CCNH: variants seen among roughly 807,000 people sequenced by gnomAD.
CCNH encodes the protein cyclin H, also known as cyclin-H.
In CCNH, 31 loss-of-function variants were observed where a neutral mutation model predicts 41.9. The observed-to-expected ratio is 0.74, with a 90% CI of 0.56 to 1.00. The LOEUF is 1.00. Among genes scored for constraint, CCNH ranks in the 50% least tolerant of loss-of-function variants. CCNH has a pLI of 0.00. For missense variants in CCNH, 362 were observed against 388.4 expected, an observed-to-expected ratio of 0.93 and a Z score of 0.57; for synonymous variants, 138 against 136.1, an observed-to-expected ratio of 1.01 and a Z score of -0.10.
intron 9 of CCNH, among the ~76,000 whole-genome samples, chr5:87,334,100 AT>A (rs894570919): frequency 6.6e-6 from 1 of 152,046 alleles, no homozygotes; most frequent in Non-Finnish European, 1.5e-5. Context: ...TCTAGAGGAG[AT>A]TTTTTTACGG....
At chr5:87,385,218 A>T in intron 9 of CCNH, 1 of 899,294 alleles carries the variant, frequency 1.1e-6, no homozygotes, top group South Asian at 1.3e-5. Flanking sequence ...CAGTAAAGAA[A>T]TATTAAAGTG....
At chr5:87,371,984 A>C, downstream of CCNH, 1 of 640,768 alleles carries the variant, frequency 1.6e-6, no homozygotes, top group Non-Finnish European at 2.8e-6. Flanking sequence ...TATGAAGTAC[A>C]GTATAGTCTG....
intron 9 of CCNH, among the ~76,000 whole-genome samples, chr5:87,365,864 T>C (rs960551388): frequency 2.0e-5 from 3 of 152,134 alleles, no homozygotes; most frequent in Non-Finnish European, 4.4e-5. Context: ...TTAAAGATTT[T>C]ATGTCAAGAT....
At chr5:87,387,259 G>A (rs1288664223), downstream of CCNH, among the ~76,000 whole-genome samples, 22 of 152,048 alleles carry the variant, frequency 1.4e-4, no homozygotes, top group Non-Finnish European at 2.8e-4. Context: ...TATGTGGGGC[G>A]TGAAGCAAGA....
chr5:87,412,364 A>G, intron 1 of CCNH: 1 of 1,089,854 alleles, frequency 9.2e-7, no homozygotes, highest in Non-Finnish European at 1.1e-6. Flanking sequence ...CTACTGGGAA[A>G]AACCTTCCCC....
intron 9 of CCNH, among the ~76,000 whole-genome samples, chr5:87,332,965 C>T (rs756780865): frequency 2.6e-5 from 4 of 151,974 alleles, no homozygotes; most frequent in Admixed American, 6.6e-5. Context: ...TCTGAAATGC[C>T]TTGTGTATCA....
chr5:87,399,187 CAT>C (rs1169512055), intron 7 of CCNH, among the ~76,000 whole-genome samples: 3 of 152,152 alleles, frequency 2.0e-5, no homozygotes, highest in South Asian at 2.1e-4. Context: ...AGCCAAAGAA[CAT>C]ATGAGTCACA....
intron 9 of CCNH, chr5:87,337,873 T>C (rs1044378596): frequency 1.6e-6 from 2 of 1,237,668 alleles, no homozygotes; most frequent in African/African-American, 1.5e-5. Context: ...CTTACATTTT[T>C]CAATATAATA....
chr5:87,379,713 A>AT, upstream of CCNH: 2 of 1,609,686 alleles, frequency 1.2e-6, no homozygotes, highest in Non-Finnish European at 1.7e-6. Context: ...ATGCATTTAT[A>AT]TTGATTTATT....
chr5:87,331,589 CTCAG>C, intron 9 of CCNH: 1 of 1,393,688 alleles, frequency 7.2e-7, no homozygotes, highest in Non-Finnish European at 1.0e-6. Context: ...AGGTGAATGA[CTCAG>C]TAACAAATAA....
chr5:87,342,129 T>C (rs975828735), intron 9 of CCNH, among the ~76,000 whole-genome samples: 4 of 151,968 alleles, frequency 2.6e-5, no homozygotes, highest in Admixed American at 2.6e-4. Flanking sequence ...TCTACCTATA[T>C]CAGGAGTTTC....
intron 9 of CCNH, among the ~76,000 whole-genome samples, chr5:87,332,127 T>G (rs1223243118): frequency 6.6e-6 from 1 of 152,152 alleles, no homozygotes; most frequent in Non-Finnish European, 1.5e-5. Context: ...AAATTATTAC[T>G]GTACTTTGTG....
At chr5:87,338,071 G>A (rs780520216) in intron 9 of CCNH, 1 of 1,612,226 alleles carries the variant, frequency 6.2e-7, no homozygotes, top group Non-Finnish European at 8.5e-7. Flanking sequence ...CCTTATTGTT[G>A]AAGACCTAGT....
At chr5:87,379,853 A>G (rs763113460), upstream of CCNH, 3 of 1,611,614 alleles carry the variant, frequency 1.9e-6, no homozygotes, top group Non-Finnish European at 2.5e-6. Context: ...CTTCCACCGT[A>G]AGTGGTGAAA....
rs559201959 is a variant in CCNH at position 87,351,421 on chromosome 5, G to T, written c.*91-32524C>A. ...AATAAATGAGAGTTCAGTGGGGGGTGAGAAGGAAGACAATGGATTTTGGCT... is the reference window on the plus strand; with the variant it reads ...AATAAATGAGAGTTCAGTGGGGGGTTAGAAGGAAGACAATGGATTTTGGCT... On this transcript the variant is annotated intron_variant and NMD_transcript_variant, in intron 9 of 9. Transcript: ENST00000645953. 1.3e-4 allele frequency among the ~76,000 whole-genome samples: 20 copies of T among 151,836 alleles called. No individual in the cohort carries two copies. In the South Asian group the frequency reaches 2.9e-3, roughly 22 times the overall value.
intron 9 of CCNH, chr5:87,332,468 A>T: frequency 6.4e-7 from 1 of 1,565,802 alleles, no homozygotes; most frequent in South Asian, 1.1e-5. Context: ...AATTGGCTGT[A>T]AAGATTTTTT....
intron 9 of CCNH, among the ~76,000 whole-genome samples, chr5:87,351,413 T>TG (rs968766255): frequency 6.6e-6 from 1 of 151,598 alleles, no homozygotes; most frequent in African/African-American, 2.4e-5. Context: ...GAGAGTTCAG[T>TG]GGGGGGTGAG....
At chr5:87,326,956 A>T (rs1450824191) in intron 9 of CCNH, among the ~76,000 whole-genome samples, 3 of 152,196 alleles carry the variant, frequency 2.0e-5, no homozygotes, top group Non-Finnish European at 4.4e-5. Context: ...GACTAAGATG[A>T]TTCACAGATT....
chr5:87,330,141 C>G (rs1757504628), intron 9 of CCNH, among the ~76,000 whole-genome samples: 1 of 152,036 alleles, frequency 6.6e-6, no homozygotes, highest in South Asian at 2.1e-4. Flanking sequence ...GCATAGGGCT[C>G]TAAATAAATA....
Sources: gnomAD v4.1 joint callset for allele counts (sites outside exome capture counted in the v4.1 genomes callset) on GRCh38, gnomAD v4.1.1 for gene constraint, MANE v1.5 for transcripts, NCBI Gene and HGNC (gene_info 2026-07-23, HGNC 2026-07-21) for gene names.